Variants in DCC observed in about 807,000 individuals in gnomAD.
DCC encodes the protein DCC netrin 1 receptor, also known as netrin receptor DCC.
In DCC, 58 loss-of-function variants were observed where a neutral mutation model predicts 172.5. That is an observed-to-expected ratio of 0.34 (90% confidence interval 0.27 to 0.42). The LOEUF (loss-of-function observed/expected upper bound fraction) is 0.42, where lower values mean the gene tolerates loss of function less well. Ranked by LOEUF, DCC falls within the 10% of genes least tolerant of loss-of-function variation. The pLI is 1.00. For missense variants in DCC, 1,740 were observed against 1,791.0 expected (o/e 0.97, Z 0.51); for synonymous variants, 709 against 644.5 (o/e 1.10, Z -1.52).
intron 1 of DCC, among the ~76,000 whole-genome samples, chr18:52,720,866 T>C (rs533264766): frequency 6.8e-4 from 104 of 152,190 alleles, no homozygotes; most frequent in Non-Finnish European, 1.1e-3. Context: ...TTCCTACTCC[T>C]TGTGTCATTG....
At chr18:52,379,510 A>G (rs1028373311) in intron 1 of DCC, among the ~76,000 whole-genome samples, 6 of 152,166 alleles carry the variant, frequency 3.9e-5, no homozygotes, top group African/African-American at 1.2e-4. Flanking sequence ...CATGCTTGTT[A>G]TGACTGTTTT....
chr18:52,622,726 T>G (rs942201005), intron 1 of DCC, among the ~76,000 whole-genome samples: 2 of 152,044 alleles, frequency 1.3e-5, no homozygotes, highest in African/African-American at 4.8e-5. Flanking sequence ...ATTCTATTAA[T>G]AGATGTATCC....
chr18:52,615,418 C>T (rs1439524894), intron 1 of DCC, among the ~76,000 whole-genome samples: 4 of 152,148 alleles, frequency 2.6e-5, no homozygotes, highest in African/African-American at 9.7e-5. Flanking sequence ...AAATGACATT[C>T]AGAGATGTTA....
intron 2 of DCC, among the ~76,000 whole-genome samples, chr18:52,788,280 C>T (rs943997546): frequency 3.3e-5 from 5 of 152,150 alleles, no homozygotes; most frequent in African/African-American, 1.2e-4. Flanking sequence ...TGATTTCAAA[C>T]ACATGTTGCA....
In DCC at chr18:52,845,454, C is replaced by A. The variant is rs1040538158; in HGVS notation, c.413-60590C>A. On this transcript the variant is annotated intron_variant, in intron 2 of 28. Transcript: ENST00000442544. Reference sequence around the variant, plus strand: ...AATGGCTCAAAAGCACAGCCATGGCCCCCCTGAGAGGATAATAATGATCCC... The same window carrying A: ...AATGGCTCAAAAGCACAGCCATGGCACCCCTGAGAGGATAATAATGATCCC... 4.6e-5 allele frequency among the ~76,000 whole-genome samples: 7 copies of A among 152,288 alleles called. No individual in the cohort carries two copies. In the East Asian group the frequency reaches 1.4e-3, roughly 29 times the overall value.
intron 13 of DCC, among the ~76,000 whole-genome samples, chr18:53,313,188 G>T (rs1226905624): frequency 6.6e-6 from 1 of 152,090 alleles, no homozygotes; most frequent in Non-Finnish European, 1.5e-5. Context: ...GTTATTGTTG[G>T]TATAACTCTG....
At chr18:52,931,143 T>G (rs1355165417) in intron 5 of DCC, among the ~76,000 whole-genome samples, 1 of 152,034 alleles carries the variant, frequency 6.6e-6, no homozygotes, top group Non-Finnish European at 1.5e-5. Context: ...CTGTTTTAAT[T>G]ATTCTAAAAG....
In DCC at chr18:53,047,296, A is replaced by ATATATATATATATAATTT. The variant is rs2042259105; in HGVS notation, c.986-15997_986-15996insTAATTTTATATATATATA. ...TATATATATATATATATAATTTTAT[A>ATATATATATATATAATTT]TATATATATATAATTTTATATATAT... is the stretch of plus-strand genomic sequence containing the variant. On this transcript the variant is annotated intron_variant, in intron 5 of 28. Transcript: ENST00000442544. 1.3e-4 allele frequency among the ~76,000 whole-genome samples: 3 copies of ATATATATATATATAATTT among 22,790 alleles called. No homozygotes were observed. The East Asian group carries it at 2.0e-3, about 15-fold the overall frequency. The allele number at this position is 22,790 out of a possible 152,430, so 15.0% of individuals were successfully genotyped here. A position where few individuals can be genotyped will look rare whatever the true frequency, so the allele number is the denominator to read the frequency against.
intron 15 of DCC, among the ~76,000 whole-genome samples, chr18:53,357,123 A>G (rs1027289531): frequency 2.0e-5 from 3 of 152,150 alleles, no homozygotes; most frequent in South Asian, 2.1e-4. Flanking sequence ...AAGTGATTAA[A>G]CAATCATTTT....
At chr18:52,775,474 G>A (rs1162000359) in intron 2 of DCC, among the ~76,000 whole-genome samples, 2 of 152,318 alleles carry the variant, frequency 1.3e-5, no homozygotes, top group East Asian at 3.9e-4. Context: ...GATCACACGT[G>A]AGCTTGGAGA....
chr18:53,247,966 C>A (rs1339272028), intron 12 of DCC, among the ~76,000 whole-genome samples: 1 of 151,994 alleles, frequency 6.6e-6, no homozygotes, highest in Non-Finnish European at 1.5e-5. Flanking sequence ...AGTCCCATGA[C>A]CTTTCAGCCA....
chr18:53,463,695 A>G (rs1385265528), intron 24 of DCC, among the ~76,000 whole-genome samples: 1 of 152,176 alleles, frequency 6.6e-6, no homozygotes, highest in Non-Finnish European at 1.5e-5. Flanking sequence ...ATGTGCCCAG[A>G]TTTCAGAGCT....
At chr18:53,174,549 T>G (rs889145876) in intron 8 of DCC, among the ~76,000 whole-genome samples, 1 of 150,398 alleles carries the variant, frequency 6.6e-6, no homozygotes, top group Non-Finnish European at 1.5e-5. Flanking sequence ...TACAAACACC[T>G]CTACACAAAT....
chr18:53,176,592 TG>T (rs1168572859), intron 8 of DCC, among the ~76,000 whole-genome samples: 1 of 152,180 alleles, frequency 6.6e-6, no homozygotes, highest in African/African-American at 2.4e-5. Context: ...TCATCATCAC[TG>T]GTCATCAGGG....
At chr18:52,931,452 A>T (rs996400092) in intron 5 of DCC, among the ~76,000 whole-genome samples, 15 of 152,136 alleles carry the variant, frequency 9.9e-5, no homozygotes, top group Non-Finnish European at 2.2e-4. Flanking sequence ...TTCAACTTGC[A>T]GTCCTTTCTT....
intron 1 of DCC, among the ~76,000 whole-genome samples, chr18:52,525,297 A>G (rs62081335): frequency 0.29 from 44,163 of 152,048 alleles, 7,384 homozygotes; most frequent in Non-Finnish European, 0.39. Flanking sequence ...GTAAACCTAT[A>G]TGGTCATCCA....
chr18:53,462,564 T>A (rs1252692606), intron 24 of DCC, among the ~76,000 whole-genome samples: 1 of 152,042 alleles, frequency 6.6e-6, no homozygotes, highest in East Asian at 1.9e-4. Context: ...TTCCATTATA[T>A]ATTACAATGT....
At chr18:52,417,267 G>A (rs1228412320) in intron 1 of DCC, among the ~76,000 whole-genome samples, 1 of 152,078 alleles carries the variant, frequency 6.6e-6, no homozygotes, top group Non-Finnish European at 1.5e-5. Context: ...GGCTTCCCTT[G>A]TGGGTAACCC....
Position 52,901,258 on chromosome 18 carries a change from C to T in DCC, c.413-4786C>T, listed in dbSNP as rs543459360. On this transcript the variant is annotated intron_variant, in intron 2 of 28. Transcript: ENST00000442544. ...GACAAGCCTGGCCAACATGGTGAAACCCTGTCTCTACTGAAAATACAAAAA... is the reference window on the plus strand; with the variant it reads ...GACAAGCCTGGCCAACATGGTGAAATCCTGTCTCTACTGAAAATACAAAAA... Among the ~76,000 whole-genome samples, 4 of 152,070 alleles carry T rather than the reference C, an allele frequency of 2.6e-5. No individual in the cohort carries two copies. The East Asian group carries it at 5.8e-4, about 22-fold the overall frequency.
Sources: gnomAD v4.1 joint callset for allele counts (sites outside exome capture counted in the v4.1 genomes callset) on GRCh38, gnomAD v4.1.1 for gene constraint, MANE v1.5 for transcripts, NCBI Gene and HGNC (gene_info 2026-07-23, HGNC 2026-07-21) for gene names.